The following NKAIN2 variants were observed in gnomAD, a reference collection of about 807,000 sequenced individuals.
The protein encoded by NKAIN2 is sodium/potassium transporting ATPase interacting 2.
NKAIN2 carries 14 observed loss-of-function variants against 32.6 expected under a neutral mutation model. The observed-to-expected ratio is 0.43, with a 90% confidence interval of 0.28 to 0.67. NKAIN2 has a LOEUF of 0.67. NKAIN2 is among the 30% of genes least tolerant of loss of function. The pLI is 0.17. For missense variants in NKAIN2, 198 were observed against 258.3 expected (o/e 0.77, Z 1.60); for synonymous variants, 80 against 87.2 (o/e 0.92, Z 0.46).
At chr6:124,137,405 A>C (rs1366393238) in intron 1 of NKAIN2, among the ~76,000 whole-genome samples, 1 of 152,208 alleles carries the variant, frequency 6.6e-6, no homozygotes, top group Non-Finnish European at 1.5e-5. Flanking sequence ...GGACAGGTAG[A>C]ATCAATATTG....
chr6:124,149,256 G>A (rs1787577273), intron 1 of NKAIN2, among the ~76,000 whole-genome samples: 1 of 151,990 alleles, frequency 6.6e-6, no homozygotes, highest in Non-Finnish European at 1.5e-5. Context: ...CTGTATGTTG[G>A]CTTTTTACTT....
chr6:124,157,769 C>T (rs914918103), intron 1 of NKAIN2, among the ~76,000 whole-genome samples: 3 of 152,124 alleles, frequency 2.0e-5, no homozygotes, highest in African/African-American at 7.2e-5. Context: ...TTATGTTAAT[C>T]TCATTAATGT....
chr6:124,333,080 C>T (rs1797729465), intron 2 of NKAIN2, among the ~76,000 whole-genome samples: 1 of 152,090 alleles, frequency 6.6e-6, no homozygotes, highest in Non-Finnish European at 1.5e-5. Context: ...ATTTAAATGT[C>T]TCAGGATTCA....
At chr6:123,854,088 C>G (rs1273599736) in intron 1 of NKAIN2, among the ~76,000 whole-genome samples, 3 of 152,106 alleles carry the variant, frequency 2.0e-5, no homozygotes, top group Non-Finnish European at 2.9e-5. Context: ...ATTTTCTTTC[C>G]TTACTCATAT....
chr6:124,647,496 C>CA (rs1157607122), intron 3 of NKAIN2, among the ~76,000 whole-genome samples: 2,558 of 58,592 alleles, frequency 0.044, 204 homozygotes, highest in Middle Eastern at 0.071. Flanking sequence ...GAGACTCTGT[C>CA]AAAAAAAAAA....
intron 5 of NKAIN2, among the ~76,000 whole-genome samples, chr6:124,816,079 C>A (rs1217657781): frequency 6.6e-6 from 1 of 152,064 alleles, no homozygotes; most frequent in Non-Finnish European, 1.5e-5. Flanking sequence ...AGACATTCTG[C>A]CTTGGTAAAA....
At chr6:124,196,476 A>G (rs1318379192) in intron 1 of NKAIN2, among the ~76,000 whole-genome samples, 1 of 152,082 alleles carries the variant, frequency 6.6e-6, no homozygotes, top group Admixed American at 6.5e-5. Flanking sequence ...CATCATTTAA[A>G]CAGATTTGGT....
intron 1 of NKAIN2, among the ~76,000 whole-genome samples, chr6:123,810,561 A>G (rs940222101): frequency 1.6e-4 from 25 of 152,304 alleles, no homozygotes; most frequent in Non-Finnish European, 2.9e-4. Flanking sequence ...ATTTGGGCCA[A>G]CTTTTGACAG....
intron 3 of NKAIN2, among the ~76,000 whole-genome samples, chr6:124,547,493 ATTACT>A (rs1003583626): frequency 1.2e-4 from 18 of 152,358 alleles, no homozygotes; most frequent in African/African-American, 3.8e-4. Flanking sequence ...ACATACAGAA[ATTACT>A]TTAAAGTCTA....
chr6:124,029,767 G>T (rs149996421), intron 1 of NKAIN2, among the ~76,000 whole-genome samples: 133 of 152,238 alleles, frequency 8.7e-4, no homozygotes, highest in African/African-American at 3.1e-3. Flanking sequence ...GTAGGAGACC[G>T]AGCGAAGCTT....
At chr6:124,358,224 C>T (rs1368263798) in intron 3 of NKAIN2, among the ~76,000 whole-genome samples, 5 of 151,974 alleles carry the variant, frequency 3.3e-5, no homozygotes, top group South Asian at 2.1e-4. Context: ...TGAATAGTGC[C>T]GAAATAAACA....
intron 1 of NKAIN2, among the ~76,000 whole-genome samples, chr6:123,935,402 A>G (rs1300638940): frequency 6.6e-6 from 1 of 151,552 alleles, no homozygotes; most frequent in Admixed American, 6.6e-5. Context: ...AAACACACCA[A>G]TGTGCATGCA....
intron 2 of NKAIN2, among the ~76,000 whole-genome samples, chr6:124,310,662 A>G (rs1204217046): frequency 6.6e-6 from 1 of 152,166 alleles, no homozygotes; most frequent in Non-Finnish European, 1.5e-5. Context: ...CTGAAAGCCG[A>G]AAGTAGCTGT....
intron 3 of NKAIN2, among the ~76,000 whole-genome samples, chr6:124,544,934 A>G (rs943056235): frequency 6.6e-6 from 1 of 152,198 alleles, no homozygotes; most frequent in Non-Finnish European, 1.5e-5. Flanking sequence ...TCACATGGGC[A>G]GATCCTTCTA....
chr6:124,377,370 T>G (rs1343627328), intron 3 of NKAIN2, among the ~76,000 whole-genome samples: 1 of 152,198 alleles, frequency 6.6e-6, no homozygotes, highest in Non-Finnish European at 1.5e-5. Flanking sequence ...TTCCTAGTCA[T>G]ATATTCTAAA....
chr6:124,672,065 A>G (rs1773132357), intron 4 of NKAIN2, among the ~76,000 whole-genome samples: 1 of 152,074 alleles, frequency 6.6e-6, no homozygotes, highest in Non-Finnish European at 1.5e-5. Context: ...GTGAACTAGA[A>G]TGCCATTCTT....
chr6:123,832,116 T>C (rs1416440439), intron 1 of NKAIN2, among the ~76,000 whole-genome samples: 2 of 152,316 alleles, frequency 1.3e-5, no homozygotes, highest in East Asian at 3.9e-4. Flanking sequence ...GACAAACCTC[T>C]GTGCTCCATC....
intron 1 of NKAIN2, among the ~76,000 whole-genome samples, chr6:124,104,567 A>G (rs868256032): frequency 6.6e-6 from 1 of 152,214 alleles, no homozygotes; most frequent in South Asian, 2.1e-4. Flanking sequence ...ATATGTACAC[A>G]TGAATGCAAT....
chr6:124,223,679 G>C (rs916686505), intron 1 of NKAIN2, among the ~76,000 whole-genome samples: 3 of 152,064 alleles, frequency 2.0e-5, no homozygotes, highest in Non-Finnish European at 4.4e-5. Context: ...TCATTTTCTT[G>C]ATTTGTTTAT....
Sources: allele counts gnomAD v4.1 joint callset (sites outside exome capture counted in the v4.1 genomes callset), GRCh38; gene constraint gnomAD v4.1.1; transcripts MANE v1.5; gene names NCBI Gene and HGNC (gene_info 2026-07-23, HGNC 2026-07-21).